The following CSGALNACT1 variants were observed in gnomAD, a reference collection of about 807,000 sequenced individuals.
CSGALNACT1 encodes the protein beta4GalNAcT-1.
Under a neutral mutation model 51.0 loss-of-function variants are expected in CSGALNACT1, and 52 were observed. The observed-to-expected ratio is 1.02, with a 90% CI of 0.82 to 1.29. The LOEUF is 1.29. CSGALNACT1 is among the 50% of genes most tolerant of loss of function. The pLI, the probability that CSGALNACT1 is intolerant of heterozygous loss-of-function variation, is 0.00. For missense variants in CSGALNACT1, 935 were observed against 679.2 expected (o/e 1.38, Z -4.19); for synonymous variants, 341 against 254.4 (o/e 1.34, Z -3.24).
intron 3 of CSGALNACT1, among the ~76,000 whole-genome samples, chr8:19,520,530 G>A (rs2080446141): frequency 6.6e-6 from 1 of 152,162 alleles, no homozygotes; most frequent in African/African-American, 2.4e-5. Flanking sequence ...TGATTATTAT[G>A]GCATTAGCTA....
chr8:19,694,510 G>T (rs1455991897), intron 1 of CSGALNACT1, among the ~76,000 whole-genome samples: 1 of 152,258 alleles, frequency 6.6e-6, no homozygotes, highest in Non-Finnish European at 1.5e-5. Flanking sequence ...TCGCAGTGTT[G>T]CTGACTTAGG....
In CSGALNACT1 at chr8:19,660,567, G is replaced by A. The variant is rs1589331768; in HGVS notation, c.-544+21906C>T. 1.3e-5 allele frequency among the ~76,000 whole-genome samples: 2 copies of A among 152,272 alleles called. 1 individual carries two copies. Among genetic ancestry groups the A allele is most frequent in the Admixed American group, 1.3e-4 (2 of 15,292 alleles). On this transcript the variant is annotated intron_variant, in intron 1 of 9. Coordinates refer to the CSGALNACT1 transcript ENST00000332246. ...TTGGGGGTAACTGTAGCCCCAACCA[G>A]AAACTTCTGGTCCTGGTACATCTAA...
At chr8:19,720,214 T>G (rs1030052740) in intron 1 of CSGALNACT1, among the ~76,000 whole-genome samples, 5 of 152,174 alleles carry the variant, frequency 3.3e-5, no homozygotes, top group African/African-American at 1.2e-4. Flanking sequence ...TGCCAGCATT[T>G]TAGGTTTTCC....
chr8:19,466,316 A>T (rs572517779), intron 4 of CSGALNACT1, among the ~76,000 whole-genome samples: 3 of 152,192 alleles, frequency 2.0e-5, no homozygotes, highest in African/African-American at 4.8e-5. Context: ...AATATACTTC[A>T]TCTTAGCCAA....
At chr8:19,654,895 G>A (rs1481332183) in intron 1 of CSGALNACT1, among the ~76,000 whole-genome samples, 1 of 151,710 alleles carries the variant, frequency 6.6e-6, no homozygotes, top group African/African-American at 2.4e-5. Flanking sequence ...ATCGAATAAA[G>A]CAAAATATTA....
intron 1 of CSGALNACT1, among the ~76,000 whole-genome samples, chr8:19,659,254 G>C (rs981935446): frequency 6.6e-6 from 1 of 152,192 alleles, no homozygotes; most frequent in Admixed American, 6.5e-5. Flanking sequence ...TAGAAAGCAA[G>C]ACTAACTCAG....
intron 3 of CSGALNACT1, among the ~76,000 whole-genome samples, chr8:19,535,815 T>C (rs1282581480): frequency 2.0e-5 from 3 of 152,116 alleles, no homozygotes; most frequent in Non-Finnish European, 4.4e-5. Flanking sequence ...AAAGCAAGAA[T>C]AGAGGGAATT....
intron 4 of CSGALNACT1, among the ~76,000 whole-genome samples, chr8:19,494,325 G>T (rs73212570): frequency 0.15 from 23,054 of 152,044 alleles, 2,031 homozygotes; most frequent in Non-Finnish European, 0.2. Flanking sequence ...ACACATCTTT[G>T]GCCTACACCA....
chr8:19,435,656 C>T (rs572297595), intron 6 of CSGALNACT1, among the ~76,000 whole-genome samples: 21 of 152,212 alleles, frequency 1.4e-4, no homozygotes, highest in Non-Finnish European at 2.1e-4. Context: ...ATTTCTGGGC[C>T]TGGGTCCCAG....
intron 1 of CSGALNACT1, among the ~76,000 whole-genome samples, chr8:19,705,041 T>C (rs1402117853): frequency 6.6e-6 from 1 of 152,236 alleles, no homozygotes; most frequent in Non-Finnish European, 1.5e-5. Context: ...ATACACGTAT[T>C]GCCCACTTAA....
At chr8:19,461,736 C>T (rs113153458) in intron 4 of CSGALNACT1, among the ~76,000 whole-genome samples, 27 of 151,120 alleles carry the variant, frequency 1.8e-4, no homozygotes, top group African/African-American at 5.9e-4. Flanking sequence ...AGGGCGTATC[C>T]GCACAGCGGC....
chr8:19,538,671 A>C (rs1588029548), intron 3 of CSGALNACT1, among the ~76,000 whole-genome samples: 1 of 152,134 alleles, frequency 6.6e-6, no homozygotes. Context: ...ACAGGCTGGG[A>C]AGAAACAGCC....
exon 10 of CSGALNACT1, chr8:19,404,342 G>C (rs2053741655): frequency 2.2e-6 from 1 of 453,422 alleles, no homozygotes; most frequent in Non-Finnish European, 4.4e-6. Context: ...ACAGAAGCAA[G>C]GACTCAAAGA....
intron 3 of CSGALNACT1, among the ~76,000 whole-genome samples, chr8:19,506,373 T>C (rs1393856088): frequency 6.6e-6 from 1 of 152,196 alleles, no homozygotes; most frequent in African/African-American, 2.4e-5. Context: ...TGAACAATAA[T>C]TCTCTCCAGA....
chr8:19,488,394 T>C (rs868662316), intron 4 of CSGALNACT1, among the ~76,000 whole-genome samples: 2,602 of 98,150 alleles, frequency 0.027, 94 homozygotes, highest in African/African-American at 0.08. Flanking sequence ...TATATATATA[T>C]ATATATATAT....
At chr8:19,677,982 G>A (rs1483152957) in intron 1 of CSGALNACT1, among the ~76,000 whole-genome samples, 1 of 152,060 alleles carries the variant, frequency 6.6e-6, no homozygotes, top group Non-Finnish European at 1.5e-5. Context: ...TGGATGTGGT[G>A]GTGGGCACCT....
At chr8:19,622,379 T>A (rs1157179983) in intron 1 of CSGALNACT1, among the ~76,000 whole-genome samples, 1 of 152,216 alleles carries the variant, frequency 6.6e-6, no homozygotes, top group African/African-American at 2.4e-5. Context: ...CCAGATCTTA[T>A]TGGTTCATGA....
chr8:19,596,834 T>C (rs1445436348), intron 2 of CSGALNACT1, among the ~76,000 whole-genome samples: 2 of 152,236 alleles, frequency 1.3e-5, no homozygotes, highest in Non-Finnish European at 1.5e-5. Flanking sequence ...GTAAAATTCA[T>C]GTAATGAAAT....
At chr8:19,567,468 G>C (rs1035254154) in intron 3 of CSGALNACT1, among the ~76,000 whole-genome samples, 3 of 152,168 alleles carry the variant, frequency 2.0e-5, no homozygotes, top group Non-Finnish European at 2.9e-5. Flanking sequence ...ACCAGAAATA[G>C]AAGGCTACTT....
Sources: gnomAD v4.1 joint callset for allele counts (sites outside exome capture counted in the v4.1 genomes callset) on GRCh38, gnomAD v4.1.1 for gene constraint, MANE v1.5 for transcripts, NCBI Gene and HGNC (gene_info 2026-07-23, HGNC 2026-07-21) for gene names.